The following SSBP2 variants were observed in gnomAD, a reference collection of about 807,000 sequenced individuals.
The protein encoded by SSBP2 is single-stranded DNA-binding protein 2.
A neutral mutation model predicts 61.8 loss-of-function variants in SSBP2; 17 were observed. The observed-to-expected ratio is 0.28, with a 90% confidence interval of 0.19 to 0.41. SSBP2 has a LOEUF of 0.41. SSBP2 is among the 10% of genes least tolerant of loss of function. The pLI is 1.00. For synonymous variants in SSBP2, 139 were observed against 141.3 expected (o/e 0.98, Z 0.12); for missense variants, 310 against 458.7 (o/e 0.68, Z 2.96).
In SSBP2 at chr5:81,429,206, G is replaced by T. The variant is rs545393367; in HGVS notation, c.958-523C>A. ...GAAAAAAGAAAGATAGCTAACAACT[G>T]TACTTAAGAACAAGAGACACCTTAG... On this transcript the variant is annotated intron_variant, in intron 15 of 16. Transcript: ENST00000320672. Among the ~76,000 whole-genome samples the T allele has an allele frequency of 3.9e-4, 59 of 152,262 alleles. 1 individual carries two copies. The highest frequency in any genetic ancestry group is 1.3e-3 in the African/African-American group (55 of 41,552).
intron 8 of SSBP2, among the ~76,000 whole-genome samples, chr5:81,467,446 G>A (rs1764965810): frequency 6.6e-6 from 1 of 151,740 alleles, no homozygotes; most frequent in African/African-American, 2.4e-5. Flanking sequence ...CATAAAGTCC[G>A]AAAAGAAAAC....
At chr5:81,583,895 T>C (rs1162408788) in intron 4 of SSBP2, among the ~76,000 whole-genome samples, 1 of 152,200 alleles carries the variant, frequency 6.6e-6, no homozygotes, top group Non-Finnish European at 1.5e-5. Context: ...TCAAATGTAG[T>C]TTTCCAACTA....
rs1766564921 is a variant in SSBP2, at chr5:81,488,064, A to ATATATATAT, written c.432+1185_432+1186insATATATATA. On this transcript the variant is annotated intron_variant, in intron 6 of 16. Coordinates refer to ENST00000320672, the MANE Select transcript of SSBP2 (RefSeq NM_012446.5). ...ATATATATATATATATATATAAATA[A>ATATATATAT]AATATCATATATTATATATATACAC... Among the ~76,000 whole-genome samples the ATATATATAT allele has an allele frequency of 1.7e-4, 16 of 94,434 alleles. 2 individuals are homozygous for ATATATATAT. Among genetic ancestry groups the ATATATATAT allele is most frequent in the Non-Finnish European group, 3.9e-4 (15 of 38,114 alleles). 62.0% of individuals were successfully genotyped at this position (94,434 alleles called of 152,430 possible). A position where few individuals can be genotyped will look rare whatever the true frequency, so the allele number is the denominator to read the frequency against.
At chr5:81,653,934 T>C (rs1220170317) in intron 1 of SSBP2, among the ~76,000 whole-genome samples, 1 of 152,038 alleles carries the variant, frequency 6.6e-6, no homozygotes, top group Non-Finnish European at 1.5e-5. Context: ...ACATCTTCCG[T>C]CCCAAGCTCC....
At chr5:81,564,223 T>C (rs1581035061) in intron 4 of SSBP2, among the ~76,000 whole-genome samples, 1 of 152,152 alleles carries the variant, frequency 6.6e-6, no homozygotes, top group Admixed American at 6.5e-5. Context: ...TAGGATGGTT[T>C]TTATTAAAAA....
chr5:81,477,880 G>C (rs1765699096), intron 6 of SSBP2, among the ~76,000 whole-genome samples: 1 of 152,080 alleles, frequency 6.6e-6, no homozygotes, highest in South Asian at 2.1e-4. Flanking sequence ...AAAGTCATAA[G>C]AATGAAACAG....
chr5:81,548,317 C>A (rs1771903417), intron 4 of SSBP2, among the ~76,000 whole-genome samples: 4 of 152,114 alleles, frequency 2.6e-5, no homozygotes, highest in African/African-American at 9.7e-5. Flanking sequence ...CGAATGTACA[C>A]TGTGGGCGCA....
intron 1 of SSBP2, among the ~76,000 whole-genome samples, chr5:81,663,624 CATTAG>C (rs1750879524): frequency 6.6e-6 from 1 of 152,166 alleles, no homozygotes; most frequent in Admixed American, 6.5e-5. Flanking sequence ...GCATAAATAT[CATTAG>C]ATAAGTGCCT....
At chr5:81,592,982 C>G (rs1018010091) in intron 4 of SSBP2, among the ~76,000 whole-genome samples, 1 of 152,158 alleles carries the variant, frequency 6.6e-6, no homozygotes, top group Non-Finnish European at 1.5e-5. Context: ...CAGAACAAAG[C>G]TGGACGGAGA....
intron 5 of SSBP2, 118 bp from the exon 6 acceptor site, chr5:81,489,427 T>C (rs757180429): frequency 3.4e-5 from 27 of 801,080 alleles, no homozygotes; most frequent in Non-Finnish European, 3.4e-5. Context: ...TCAATGTACT[T>C]TGAGGCTGCT....
chr5:81,481,479 G>A (rs1333023085), intron 6 of SSBP2, among the ~76,000 whole-genome samples: 1 of 151,856 alleles, frequency 6.6e-6, no homozygotes, highest in African/African-American at 2.4e-5. Context: ...AAATTAGCTG[G>A]GTGTGATGGT....
intron 4 of SSBP2, among the ~76,000 whole-genome samples, chr5:81,547,003 T>C (rs1771778958): frequency 6.8e-6 from 1 of 146,252 alleles, no homozygotes; most frequent in Non-Finnish European, 1.5e-5. Flanking sequence ...TCATTCATAG[T>C]TTGGGTTTTT....
At chr5:81,593,028 C>A (rs552255137) in intron 4 of SSBP2, among the ~76,000 whole-genome samples, 1 of 151,868 alleles carries the variant, frequency 6.6e-6, no homozygotes, top group African/African-American at 2.4e-5. Context: ...AGGCTTCAGA[C>A]GATCAAACTA....
At chr5:81,695,397 C>A (rs551222743) in intron 1 of SSBP2, among the ~76,000 whole-genome samples, 1 of 152,196 alleles carries the variant, frequency 6.6e-6, no homozygotes, top group Non-Finnish European at 1.5e-5. Context: ...ATGTGCACAA[C>A]CTGCAGGTTT....
chr5:81,721,354 C>T (rs1755531364), intron 1 of SSBP2, among the ~76,000 whole-genome samples: 1 of 151,938 alleles, frequency 6.6e-6, no homozygotes, highest in South Asian at 2.1e-4. Flanking sequence ...CAAGCAAAAA[C>T]AAAAACAAAC....
At chr5:81,673,123 G>C (rs762053191) in intron 1 of SSBP2, among the ~76,000 whole-genome samples, 16 of 152,162 alleles carry the variant, frequency 1.1e-4, no homozygotes, top group Non-Finnish European at 1.8e-4. Flanking sequence ...TTACAGGCAT[G>C]AGCCACCACA....
At chr5:81,431,237 CACA>C (rs1762263951) in intron 15 of SSBP2, among the ~76,000 whole-genome samples, 1 of 152,104 alleles carries the variant, frequency 6.6e-6, no homozygotes, top group East Asian at 1.9e-4. Context: ...CTTGCTTCAG[CACA>C]AAAGAGTACA....
At chr5:81,594,451 A>C (rs1326351764) in intron 4 of SSBP2, among the ~76,000 whole-genome samples, 1 of 152,168 alleles carries the variant, frequency 6.6e-6, no homozygotes, top group African/African-American at 2.4e-5. Flanking sequence ...AAAGTTAACA[A>C]GGATACCCAG....
intron 3 of SSBP2, among the ~76,000 whole-genome samples, chr5:81,626,304 C>T (rs1561623059): frequency 6.6e-6 from 1 of 152,286 alleles, no homozygotes; most frequent in South Asian, 2.1e-4. Context: ...TGAGTAAGTA[C>T]TATACAAGCA....
Sources: gnomAD v4.1 joint callset for allele counts (sites outside exome capture counted in the v4.1 genomes callset) on GRCh38, gnomAD v4.1.1 for gene constraint, MANE v1.5 for transcripts, NCBI Gene and HGNC (gene_info 2026-07-23, HGNC 2026-07-21) for gene names.